NCK2: variants seen among roughly 807,000 people sequenced by gnomAD.
NCK2 encodes NCK adaptor protein 2.
Under a neutral mutation model 33.9 loss-of-function variants are expected in NCK2, and 16 were observed. That is an observed-to-expected ratio of 0.47 (90% CI 0.32 to 0.72). The LOEUF is 0.72. NCK2 is among the 30% of genes least tolerant of loss of function. The pLI, the probability that NCK2 is intolerant of heterozygous loss-of-function variation, is 0.03. For synonymous variants in NCK2, 273 were observed against 239.9 expected, an observed-to-expected ratio of 1.14 and a Z score of -1.27; for missense variants, 418 against 537.3, an observed-to-expected ratio of 0.78 and a Z score of 2.19.
chr2:105,889,988 T>G (rs1018992150), intron 4 of NCK2, among the ~76,000 whole-genome samples: 1 of 152,178 alleles, frequency 6.6e-6, no homozygotes, highest in East Asian at 1.9e-4. Flanking sequence ...CACACTTCAC[T>G]TAGAGGTGTT....
At chr2:105,865,053 C>T (rs971686368) in intron 3 of NCK2, among the ~76,000 whole-genome samples, 2 of 152,204 alleles carry the variant, frequency 1.3e-5, no homozygotes, top group African/African-American at 4.8e-5. Flanking sequence ...CAGGCTCCCT[C>T]AGCCAGCATC....
intron 1 of NCK2, among the ~76,000 whole-genome samples, chr2:105,773,811 C>G (rs1690213329): frequency 6.6e-6 from 1 of 152,116 alleles, no homozygotes; most frequent in Non-Finnish European, 1.5e-5. Context: ...GGCAGGCTGC[C>G]TGGAGAATCG....
chr2:105,748,873 C>A (rs933641838), intron 1 of NCK2, among the ~76,000 whole-genome samples: 2 of 152,118 alleles, frequency 1.3e-5, no homozygotes, highest in African/African-American at 4.8e-5. Context: ...CTCTAGCCTC[C>A]CACTGAGATT....
chr2:105,893,221 C>A lies in NCK2; in HGVS notation c.*45C>A. ...TCGCCTCCCGGGCCCCACGGTGGAG[C>A]TGCCCGCCCGGCCTTGTGGCAGAGG... is the stretch of plus-strand genomic sequence containing the variant. On this transcript the variant is annotated 3_prime_UTR_variant, in exon 5 of 5. Transcript: ENST00000233154. The A allele has an allele frequency of 2.6e-6, 4 of 1,517,238 alleles. No individual in the cohort carries two copies. The highest frequency in any genetic ancestry group is 2.1e-4 in the Middle Eastern group (1 of 4,846). The allele number at this position is 1,517,238 out of a possible 1,614,324, so 94.0% of individuals were successfully genotyped here.
intron 1 of NCK2, among the ~76,000 whole-genome samples, chr2:105,750,295 A>C (rs1343095747): frequency 6.6e-6 from 1 of 152,146 alleles, no homozygotes; most frequent in Non-Finnish European, 1.5e-5. Context: ...CTGTTGGATG[A>C]GGGCCCCACC....
intron 3 of NCK2, among the ~76,000 whole-genome samples, chr2:105,864,784 G>A (rs552210380): frequency 2.7e-5 from 4 of 149,790 alleles, no homozygotes; most frequent in South Asian, 4.2e-4. Context: ...TTGGCCCTCC[G>A]AACCCACGGG....
At chr2:105,752,100 G>T (rs965731950) in intron 1 of NCK2, among the ~76,000 whole-genome samples, 1 of 152,014 alleles carries the variant, frequency 6.6e-6, no homozygotes, top group African/African-American at 2.4e-5. Context: ...TGCACCTCTT[G>T]GCTGCCTCTC....
At chr2:105,802,157 A>G (rs1033010640) in intron 1 of NCK2, among the ~76,000 whole-genome samples, 7 of 152,144 alleles carry the variant, frequency 4.6e-5, no homozygotes, top group Non-Finnish European at 1.0e-4. Flanking sequence ...GTGAGCCAGG[A>G]TTTAGGACTC....
At chr2:105,833,727 G>A (rs1398512727) in intron 2 of NCK2, among the ~76,000 whole-genome samples, 1 of 151,660 alleles carries the variant, frequency 6.6e-6, no homozygotes, top group Non-Finnish European at 1.5e-5. Context: ...CTAATTTTGG[G>A]TTTGGTTTGT....
chr2:105,792,104 G>A (rs141702555), intron 1 of NCK2, among the ~76,000 whole-genome samples: 64 of 152,254 alleles, frequency 4.2e-4, no homozygotes, highest in Non-Finnish European at 8.8e-5. Flanking sequence ...TGAGATTTTG[G>A]AGACCCCTCC....
Position 105,816,461 on chromosome 2 carries a change from C to T in NCK2, c.-169C>T, listed in dbSNP as rs1325051716. The T allele has an allele frequency of 6.6e-6, 1 of 152,122 alleles. No individual in the cohort carries two copies. Among genetic ancestry groups the T allele is most frequent in the Non-Finnish European group, 1.5e-5 (1 of 68,022 alleles). The allele number at this position is 152,122 out of a possible 1,614,324, so 9.4% of individuals were successfully genotyped here. ...TGTGTTCTTTGTATACAAGCGACGT[C>T]CCAGATTATAATTCTCTGCTGAGAT... On this transcript the variant is annotated 5_prime_UTR_variant, in exon 2 of 5. Transcript: ENST00000233154.
At chr2:105,824,737 C>CCGGAACCA (rs1259636902) in intron 2 of NCK2, among the ~76,000 whole-genome samples, 3 of 152,082 alleles carry the variant, frequency 2.0e-5, no homozygotes, top group Non-Finnish European at 4.4e-5. Flanking sequence ...GTTCCTTTGG[C>CCGGAACCA]AGTGACATGG....
intron 2 of NCK2, chr2:105,854,782 TCAAG>T: frequency 3.1e-6 from 1 of 327,422 alleles, no homozygotes; most frequent in African/African-American, 2.1e-5. Context: ...AGAATTTTTT[TCAAG>T]TTTGTTTTTG....
chr2:105,847,354 T>A (rs1676890202), intron 2 of NCK2: 1 of 152,236 alleles, frequency 6.6e-6, no homozygotes, highest in African/African-American at 2.4e-5. Context: ...ATGTTAAACT[T>A]TGTTAAATAT....
At chr2:105,751,255 A>T (rs1224703730) in intron 1 of NCK2, among the ~76,000 whole-genome samples, 1 of 152,108 alleles carries the variant, frequency 6.6e-6, no homozygotes, top group Non-Finnish European at 1.5e-5. Flanking sequence ...ATTCTCCCTC[A>T]GCTCCCAACT....
At chr2:105,847,546 A>G (rs1676899307) in intron 2 of NCK2, among the ~76,000 whole-genome samples, 1 of 152,068 alleles carries the variant, frequency 6.6e-6, no homozygotes, top group East Asian at 1.9e-4. Flanking sequence ...CCCTAGAAGT[A>G]AAGACCTGGA....
At chr2:105,773,221 T>C (rs1690192066) in intron 1 of NCK2, among the ~76,000 whole-genome samples, 1 of 152,010 alleles carries the variant, frequency 6.6e-6, no homozygotes, top group South Asian at 2.1e-4. Flanking sequence ...TTTTTGCCAG[T>C]GAGTGCCAAG....
chr2:105,851,223 A>G (rs897868896), intron 2 of NCK2, among the ~76,000 whole-genome samples: 4 of 151,588 alleles, frequency 2.6e-5, no homozygotes, highest in Non-Finnish European at 5.9e-5. Flanking sequence ...TCCTTCATTG[A>G]GGATACCGGG....
intron 1 of NCK2, among the ~76,000 whole-genome samples, chr2:105,777,965 T>A (rs895153136): frequency 6.6e-6 from 1 of 152,182 alleles, no homozygotes; most frequent in Admixed American, 6.5e-5. Context: ...GGAAAGTTCT[T>A]TTGTTTGAGA....
Sources: gnomAD v4.1 joint callset for allele counts (sites outside exome capture counted in the v4.1 genomes callset) on GRCh38, gnomAD v4.1.1 for gene constraint, MANE v1.5 for transcripts, NCBI Gene and HGNC (gene_info 2026-07-23, HGNC 2026-07-21) for gene names.